CUX1: variants seen among roughly 807,000 people sequenced by gnomAD.
The protein encoded by CUX1 is protein CASP.
In CUX1, 31 loss-of-function variants were observed where a neutral mutation model predicts 158.8. The observed-to-expected ratio is 0.20, with a 90% confidence interval of 0.15 to 0.26. The LOEUF (loss-of-function observed/expected upper bound fraction) is 0.26, where lower values mean the gene tolerates loss of function less well. Among genes scored for constraint, CUX1 ranks in the 10% least tolerant of loss-of-function variants. The pLI is 1.00. For synonymous variants in CUX1, 879 were observed against 862.1 expected (o/e 1.02, Z -0.34); for missense variants, 1,589 against 2,014.6 (o/e 0.79, Z 4.04).
intron 2 of CUX1, among the ~76,000 whole-genome samples, chr7:101,989,866 G>A (rs952729702): frequency 1.3e-5 from 2 of 152,226 alleles, no homozygotes; most frequent in African/African-American, 2.4e-5. Flanking sequence ...GAACCCGCCT[G>A]ATAGAAGACA....
exon 15 of CUX1, chr7:102,273,421 G>T (rs1554546790): frequency 6.2e-7 from 1 of 1,613,070 alleles, no homozygotes; most frequent in African/African-American, 1.3e-5. Flanking sequence ...CAGCCACTGA[G>T]CAGAGAGAGC....
intron 1 of CUX1, among the ~76,000 whole-genome samples, chr7:101,838,274 C>T (rs1235228388): frequency 2.0e-5 from 3 of 151,454 alleles, no homozygotes; most frequent in Admixed American, 1.3e-4. Context: ...GGACTACAGG[C>T]GCCTGCCACC....
At position 101,992,215 on chromosome 7, in the gene CUX1, C is replaced by G. The variant is rs892104377; in HGVS notation, c.142-35883C>G. Among the ~76,000 whole-genome samples the G allele has an allele frequency of 3.9e-5, 6 of 152,216 alleles. No homozygotes were observed. In the South Asian group the frequency reaches 6.2e-4, roughly 16 times the overall value. On this transcript the variant is annotated intron_variant, in intron 2 of 23. Transcript: ENST00000292535. ...CTTTCCTACTGAGCTCCTTAAAGCACAGGGGAAAGTGGGACGGGGTTGGGG... is the reference window on the plus strand; with the variant it reads ...CTTTCCTACTGAGCTCCTTAAAGCAGAGGGGAAAGTGGGACGGGGTTGGGG...
Position 102,250,544 on chromosome 7 carries a change from G to A in CUX1, c.*1502G>A. 1.0e-6 allele frequency: 1 copy of A among 985,466 alleles called. No homozygotes were observed. Among genetic ancestry groups the A allele is most frequent in the Non-Finnish European group, 1.2e-6 (1 of 829,958 alleles). The allele number at this position is 985,466 out of a possible 1,614,324, so 61.0% of individuals were successfully genotyped here. A position where few individuals can be genotyped will look rare whatever the true frequency, so the allele number is the denominator to read the frequency against. ...GGAAACTTCCTTTCTCTGCAGGAGA[G>A]AGAACGTGGCATTCTGGGCTCCCCA... On this transcript the variant is annotated 3_prime_UTR_variant, in exon 24 of 24. Transcript: ENST00000292535.
In CUX1 at chr7:102,162,629, C is replaced by T. The variant is rs1452980426; in HGVS notation, c.723+4021C>T. ...TCCTGGGCTCAAGCGATCTGCCCAC[C>T]TCGGCCTCCCAAAGTGCTGAGATTA... On this transcript the variant is annotated intron_variant, in intron 9 of 23. Coordinates refer to ENST00000292535, the MANE Select transcript of CUX1 (RefSeq NM_181552.4). Among the ~76,000 whole-genome samples the T allele has an allele frequency of 4.6e-5, 7 of 152,216 alleles. No homozygotes were observed. In the South Asian group the frequency reaches 1.2e-3, roughly 27 times the overall value.
chr7:102,035,303 A>G (rs1447866863), intron 3 of CUX1, among the ~76,000 whole-genome samples: 2 of 152,168 alleles, frequency 1.3e-5, no homozygotes, highest in Admixed American at 6.6e-5. Context: ...ACAGTATTCA[A>G]TAAATTACAT....
chr7:102,232,418 T>C (rs782233935), intron 21 of CUX1, among the ~76,000 whole-genome samples: 19 of 152,166 alleles, frequency 1.2e-4, no homozygotes, highest in Admixed American at 5.2e-4. Context: ...TAGAAGCCAG[T>C]GTGTGGTGTT....
chr7:102,151,757 A>C (rs934046946), intron 8 of CUX1, among the ~76,000 whole-genome samples: 10 of 143,582 alleles, frequency 7.0e-5, no homozygotes, highest in South Asian at 2.2e-4. Context: ...AAAAAAAAAA[A>C]ACCTGGTTGG....
intron 2 of CUX1, among the ~76,000 whole-genome samples, chr7:101,999,986 G>T (rs955288781): frequency 6.6e-6 from 1 of 152,172 alleles, no homozygotes; most frequent in African/African-American, 2.4e-5. Context: ...GGACGCCAAG[G>T]CAGGAGGATC....
chr7:102,109,871 C>G (rs1291082994), intron 6 of CUX1, among the ~76,000 whole-genome samples: 1 of 152,076 alleles, frequency 6.6e-6, no homozygotes, highest in Non-Finnish European at 1.5e-5. Context: ...AACAGATTCA[C>G]TCTCAAAATT....
intron 3 of CUX1, among the ~76,000 whole-genome samples, chr7:102,065,444 T>C (rs1212223544): frequency 6.6e-6 from 1 of 152,126 alleles, no homozygotes; most frequent in African/African-American, 2.4e-5. Context: ...AACTCCTGCC[T>C]CCATTTCCTA....
At chr7:102,086,247 T>C (rs782636744) in intron 4 of CUX1, among the ~76,000 whole-genome samples, 1 of 114,768 alleles carries the variant, frequency 8.7e-6, no homozygotes, top group Non-Finnish European at 1.6e-5. Context: ...GATTTTTCTC[T>C]TTTTTTTTTT....
At chr7:101,918,590 A>C (rs1046015556) in intron 2 of CUX1, among the ~76,000 whole-genome samples, 7 of 152,206 alleles carry the variant, frequency 4.6e-5, no homozygotes, top group African/African-American at 1.7e-4. Flanking sequence ...GTCTCACTGC[A>C]GCATGCGGTC....
Position 102,249,802 on chromosome 7 carries a change from A to G in CUX1, c.*760A>G, listed in dbSNP as rs955302667. ...CTAGTTTGGATTCCTAAATATTTTC[A>G]AGAAAAGAATCTTCTCGTTTGAAAC... On this transcript the variant is annotated 3_prime_UTR_variant, in exon 24 of 24. Coordinates refer to ENST00000292535, the MANE Select transcript of CUX1 (RefSeq NM_181552.4). 3.0e-6 allele frequency: 3 copies of G among 985,800 alleles called. No individual in the cohort carries two copies. Among genetic ancestry groups the G allele is most frequent in the Middle Eastern group, 1.0e-3 (2 of 1,914 alleles). 61.1% of individuals were successfully genotyped at this position (985,800 alleles called of 1,614,324 possible).
chr7:102,192,202 T>G (rs1282402191), intron 12 of CUX1, among the ~76,000 whole-genome samples: 1 of 152,184 alleles, frequency 6.6e-6, no homozygotes. Context: ...CAGATCCTCA[T>G]GCACTGCAGC....
At chr7:102,206,107 A>G (rs1320492666) in intron 20 of CUX1, among the ~76,000 whole-genome samples, 5 of 152,212 alleles carry the variant, frequency 3.3e-5, no homozygotes, top group Non-Finnish European at 4.4e-5. Flanking sequence ...GAGGGGGAAC[A>G]TGTGTAGCAC....
At chr7:101,989,183 C>T (rs1378555961) in intron 2 of CUX1, among the ~76,000 whole-genome samples, 1 of 152,060 alleles carries the variant, frequency 6.6e-6, no homozygotes, top group African/African-American at 2.4e-5. Context: ...ACCGACGTCA[C>T]CTCATCCTGC....
At chr7:102,219,954 G>A (rs888978323) in intron 20 of CUX1, among the ~76,000 whole-genome samples, 2 of 152,234 alleles carry the variant, frequency 1.3e-5, no homozygotes, top group Admixed American at 1.3e-4. Context: ...GGAGCCCAGC[G>A]TCGCTGCCAT....
chr7:102,216,482 C>G (rs1448425957), intron 20 of CUX1, among the ~76,000 whole-genome samples: 1 of 151,080 alleles, frequency 6.6e-6, no homozygotes, highest in Admixed American at 6.6e-5. Flanking sequence ...AGAATTGAAC[C>G]CTTGAGAAAA....
Sources: gnomAD v4.1 joint callset for allele counts (sites outside exome capture counted in the v4.1 genomes callset) on GRCh38, gnomAD v4.1.1 for gene constraint, MANE v1.5 for transcripts, NCBI Gene and HGNC (gene_info 2026-07-23, HGNC 2026-07-21) for gene names.